Variants in ANKRD30B observed in about 807,000 individuals in gnomAD.
The protein encoded by ANKRD30B is ankyrin repeat domain 30B.
Under a neutral mutation model 202.2 loss-of-function variants are expected in ANKRD30B, and 144 were observed. The observed-to-expected ratio is 0.71, with a 90% CI of 0.62 to 0.82. The LOEUF is 0.82. Among genes scored for constraint, ANKRD30B ranks in the 40% least tolerant of loss-of-function variants. The pLI, the probability that ANKRD30B is intolerant of heterozygous loss-of-function variation, is 0.00. For missense variants in ANKRD30B, 1,487 were observed against 1,669.1 expected, an observed-to-expected ratio of 0.89 and a Z score of 1.90; for synonymous variants, 508 against 561.3, an observed-to-expected ratio of 0.91 and a Z score of 1.34.
the ANKRD30B span, among the ~76,000 whole-genome samples, chr18:14,868,167 G>A: frequency 6.6e-6 from 1 of 152,306 alleles, no homozygotes; most frequent in African/African-American, 2.4e-5. Flanking sequence ...AGTGCTAATG[G>A]TGGCAGCAGC....
the ANKRD30B span, among the ~76,000 whole-genome samples, chr18:14,939,074 A>G: frequency 6.6e-5 from 10 of 152,136 alleles, no homozygotes; most frequent in Admixed American, 6.5e-5. Context: ...AATCCATCTT[A>G]CTCATCGTCT....
intron 22 of ANKRD30B, 121 bp downstream of exon 22, chr18:14,799,416 A>T (rs1969166488): frequency 2.0e-6 from 2 of 1,021,798 alleles, no homozygotes; most frequent in East Asian, 5.3e-5. Flanking sequence ...AATTTGATAA[A>T]ATAATGGCAA....
the ANKRD30B span, among the ~76,000 whole-genome samples, chr18:14,897,167 T>G: frequency 3.9e-5 from 6 of 152,126 alleles, no homozygotes; most frequent in Non-Finnish European, 2.9e-5. Flanking sequence ...AACGTCGTGT[T>G]CAGAAGATTG....
chr18:14,933,420 G>A, the ANKRD30B span, among the ~76,000 whole-genome samples: 14 of 152,300 alleles, frequency 9.2e-5, no homozygotes, highest in African/African-American at 3.4e-4. Flanking sequence ...CTTGGGTTCT[G>A]GGCCAGGTGG....
At chr18:14,760,998 G>T (rs1413875294) in intron 6 of ANKRD30B, among the ~76,000 whole-genome samples, 1 of 151,894 alleles carries the variant, frequency 6.6e-6, no homozygotes, top group Admixed American at 6.6e-5. Flanking sequence ...TATAATCCTT[G>T]GTGTGATTGA....
At chr18:14,845,571 T>C (rs887546986) in intron 39 of ANKRD30B, among the ~76,000 whole-genome samples, 2 of 151,934 alleles carry the variant, frequency 1.3e-5, no homozygotes, top group African/African-American at 4.8e-5. Context: ...CTAGTTTGGC[T>C]AGATAGACTT....
At chr18:14,817,923 T>G (rs1371786403) in intron 30 of ANKRD30B, among the ~76,000 whole-genome samples, 1 of 152,196 alleles carries the variant, frequency 6.6e-6, no homozygotes, top group Non-Finnish European at 1.5e-5. Context: ...CTTAAAATGC[T>G]TGGACATAAA....
At chr18:14,777,880 T>C in intron 9 of ANKRD30B, 105 bp from the exon 10 acceptor site, 1 of 717,462 alleles carries the variant, frequency 1.4e-6, no homozygotes. Context: ...GAGACAGAGG[T>C]GGCAGTAGGC....
rs573731586 is a variant in ANKRD30B at position 14,824,049 on chromosome 18, G to C, written c.2743+1372G>C. 2.6e-5 allele frequency among the ~76,000 whole-genome samples: 4 copies of C among 151,938 alleles called. No homozygotes were observed. The South Asian group carries it at 8.3e-4, about 32-fold the overall frequency. On this transcript the variant is annotated intron_variant, in intron 32 of 43. Transcript: ENST00000690538. ...TGGTTCTAGACTATGTCTAGAATTT[G>C]TTTTCATGTCTTAAATTTTCAATAA...
At chr18:14,852,853 T>A (rs1433442866) in intron 42 of ANKRD30B, 1 of 152,594 alleles carries the variant, frequency 6.6e-6, no homozygotes, top group East Asian at 1.9e-4. Flanking sequence ...AACAGAAGTG[T>A]ATTTGAAGTA....
chr18:14,863,391 T>C, the ANKRD30B span, among the ~76,000 whole-genome samples: 945 of 152,220 alleles, frequency 6.2e-3, 4 homozygotes, highest in Non-Finnish European at 0.01. Flanking sequence ...CCTGCCGTGT[T>C]CCCCTTCTTG....
the ANKRD30B span, among the ~76,000 whole-genome samples, chr18:14,924,882 C>A: frequency 6.6e-6 from 1 of 152,180 alleles, no homozygotes; most frequent in East Asian, 1.9e-4. Flanking sequence ...TGGGGCTGGA[C>A]TGCTCAGGCC....
At chr18:14,757,385 C>A (rs1914536943) in intron 4 of ANKRD30B, among the ~76,000 whole-genome samples, 1 of 152,172 alleles carries the variant, frequency 6.6e-6, no homozygotes, top group African/African-American at 2.4e-5. Context: ...CTCATACATT[C>A]TTATCAACAT....
the ANKRD30B span, among the ~76,000 whole-genome samples, chr18:14,907,763 C>T: frequency 6.6e-6 from 1 of 152,134 alleles, no homozygotes; most frequent in Non-Finnish European, 1.5e-5. Context: ...TCTGGGTACC[C>T]TTCCAGATCT....
At chr18:14,877,054 A>C in the ANKRD30B span, among the ~76,000 whole-genome samples, 24 of 152,340 alleles carry the variant, frequency 1.6e-4, no homozygotes, top group South Asian at 3.3e-3. Flanking sequence ...TCCCTGGAGG[A>C]CCTGCAGAGC....
chr18:14,751,012 T>G (rs1186757851), intron 1 of ANKRD30B, among the ~76,000 whole-genome samples: 1 of 152,082 alleles, frequency 6.6e-6, no homozygotes, highest in Non-Finnish European at 1.5e-5. Context: ...AGCAGCAATA[T>G]GTATTTTGCA....
the ANKRD30B span, among the ~76,000 whole-genome samples, chr18:14,876,322 C>T: frequency 6.6e-6 from 1 of 152,188 alleles, no homozygotes; most frequent in Non-Finnish European, 1.5e-5. Flanking sequence ...TAAGATTCAT[C>T]CTTGTTGAGT....
chr18:14,820,781 A>T (rs1327827146), intron 30 of ANKRD30B, among the ~76,000 whole-genome samples: 4 of 151,950 alleles, frequency 2.6e-5, no homozygotes, highest in Non-Finnish European at 5.9e-5. Context: ...TTTATTGAGG[A>T]TTTTTGCATC....
Position 14,783,348 on chromosome 18 carries a change from C to A in ANKRD30B, c.1570+734C>A, listed in dbSNP as rs1232540217. Reference sequence around the variant, plus strand: ...ATGCTGATGTCAGTGGTCCTTGGAGCTCACTTTGAATAGCAAGAGGAGTGC... The same window carrying A: ...ATGCTGATGTCAGTGGTCCTTGGAGATCACTTTGAATAGCAAGAGGAGTGC... On this transcript the variant is annotated intron_variant, in intron 12 of 43. Coordinates refer to ENST00000690538, the MANE Select transcript of ANKRD30B (RefSeq NM_001367607.2). Among the ~76,000 whole-genome samples the A allele has an allele frequency of 1.3e-5, 2 of 152,090 alleles. 1 individual carries two copies. Among genetic ancestry groups the A allele is most frequent in the Non-Finnish European group, 2.9e-5 (2 of 67,962 alleles).
Sources: allele counts gnomAD v4.1 joint callset (sites outside exome capture counted in the v4.1 genomes callset), GRCh38; gene constraint gnomAD v4.1.1; transcripts MANE v1.5; gene names NCBI Gene and HGNC (gene_info 2026-07-23, HGNC 2026-07-21).